RBPJ: variants seen among roughly 807,000 people sequenced by gnomAD.
RBPJ encodes recombining binding protein suppressor of hairless.
RBPJ carries 9 observed loss-of-function variants against 67.8 expected under a neutral mutation model. That is an observed-to-expected ratio of 0.13 (90% confidence interval 0.08 to 0.23). RBPJ has a LOEUF of 0.23. RBPJ is among the 10% of genes least tolerant of loss of function. The probability of loss-of-function intolerance (pLI) is 1.00; values close to 1 mark genes in which losing one functional copy is unlikely to be tolerated. For synonymous variants in RBPJ, 198 were observed against 203.3 expected (o/e 0.97, Z 0.22); for missense variants, 305 against 595.6 (o/e 0.51, Z 5.08).
intron 1 of RBPJ, among the ~76,000 whole-genome samples, chr4:26,237,154 G>A (rs975754359): frequency 6.6e-6 from 1 of 152,146 alleles, no homozygotes; most frequent in Non-Finnish European, 1.5e-5. Flanking sequence ...GGAAGCACCT[G>A]GAGAACCTTA....
chr4:26,418,632 T>G (rs1734827355), intron 4 of RBPJ, among the ~76,000 whole-genome samples: 1 of 152,212 alleles, frequency 6.6e-6, no homozygotes, highest in African/African-American at 2.4e-5. Flanking sequence ...TTCAGTATTT[T>G]CTCTTTCTGA....
chr4:26,265,731 CAAAA>C (rs1342655535), intron 1 of RBPJ, among the ~76,000 whole-genome samples: 4 of 151,888 alleles, frequency 2.6e-5, no homozygotes, highest in Non-Finnish European at 5.9e-5. Context: ...GGGAAGGAAA[CAAAA>C]GAAAGAAAGT....
At chr4:26,187,610 G>A (rs1322192947) in intron 1 of RBPJ, among the ~76,000 whole-genome samples, 1 of 152,144 alleles carries the variant, frequency 6.6e-6, no homozygotes, top group Non-Finnish European at 1.5e-5. Flanking sequence ...CTGCCAACAA[G>A]TTCATATATT....
intron 4 of RBPJ, among the ~76,000 whole-genome samples, chr4:26,420,088 A>G (rs1013548321): frequency 1.2e-4 from 18 of 152,216 alleles, no homozygotes; most frequent in African/African-American, 4.3e-4. Flanking sequence ...TATATAAAGA[A>G]AAATATTTTA....
At chr4:26,371,180 C>CATTTA (rs1316425739) in intron 1 of RBPJ, among the ~76,000 whole-genome samples, 36 of 151,818 alleles carry the variant, frequency 2.4e-4, no homozygotes, top group African/African-American at 8.7e-4. Context: ...TTTAAATCAT[C>CATTTA]ATTTAACTGT....
At chr4:26,212,374 A>G (rs984549213) in intron 1 of RBPJ, among the ~76,000 whole-genome samples, 2 of 151,436 alleles carry the variant, frequency 1.3e-5, no homozygotes, top group Admixed American at 6.6e-5. Flanking sequence ...CCTCAGAAAC[A>G]GGCCTCAGAA....
chr4:26,392,391 T>A (rs1010466831), intron 2 of RBPJ, among the ~76,000 whole-genome samples: 7 of 152,210 alleles, frequency 4.6e-5, no homozygotes, highest in African/African-American at 1.7e-4. Context: ...TTAGTTGTAG[T>A]AGTCACACAT....
the RBPJ span, among the ~76,000 whole-genome samples, chr4:26,152,935 G>T: frequency 6.6e-6 from 1 of 152,214 alleles, no homozygotes; most frequent in Non-Finnish European, 1.5e-5. Context: ...CAGGTTAAGT[G>T]TCCTTTATCC....
chr4:26,107,048 T>C, the RBPJ span, among the ~76,000 whole-genome samples: 1 of 152,036 alleles, frequency 6.6e-6, no homozygotes, highest in East Asian at 1.9e-4. Flanking sequence ...CTGTGGTAAA[T>C]GGGAGAGGCT....
chr4:26,428,887 C>A lies in RBPJ; in HGVS notation c.888+27C>A, dbSNP rs757346691. 6.4e-6 allele frequency: 10 copies of A among 1,562,414 alleles called. No individual in the cohort carries two copies. The East Asian group carries it at 1.6e-4, about 25-fold the overall frequency. On this transcript the variant is annotated intron_variant, in intron 8 of 10. Transcript: ENST00000355476. ...TATGTTTTTAAATTACTGGTGAAAT[C>A]TAAAATGTACAAACTGTGAGGTTAG...
At chr4:26,167,302 T>C (rs1240274690) in intron 1 of RBPJ, among the ~76,000 whole-genome samples, 1 of 152,242 alleles carries the variant, frequency 6.6e-6, no homozygotes, top group African/African-American at 2.4e-5. Flanking sequence ...TCAATTACCT[T>C]GGGCAGTGTG....
intron 1 of RBPJ, among the ~76,000 whole-genome samples, chr4:26,337,791 A>G (rs887603150): frequency 6.0e-5 from 9 of 150,124 alleles, no homozygotes; most frequent in African/African-American, 1.5e-4. Flanking sequence ...GGCTCAGGCA[A>G]TCCTCCTCCC....
chr4:26,272,831 T>C (rs545494243), intron 1 of RBPJ: 41 of 388,202 alleles, frequency 1.1e-4, no homozygotes, highest in African/African-American at 7.7e-4. Context: ...AATGTACTCA[T>C]TGTTTAAAAC....
chr4:26,292,647 C>T (rs186059730), intron 1 of RBPJ, among the ~76,000 whole-genome samples: 3 of 150,506 alleles, frequency 2.0e-5, no homozygotes, highest in African/African-American at 7.3e-5. Context: ...GTCTCAAACT[C>T]CTGACCTCAA....
intron 2 of RBPJ, among the ~76,000 whole-genome samples, chr4:26,398,578 T>C (rs1354503539): frequency 6.6e-6 from 1 of 152,220 alleles, no homozygotes; most frequent in Non-Finnish European, 1.5e-5. Context: ...TGAGCCAATC[T>C]CACCCCACCC....
intron 1 of RBPJ, among the ~76,000 whole-genome samples, chr4:26,334,132 C>A (rs1724555400): frequency 6.6e-6 from 1 of 151,984 alleles, no homozygotes; most frequent in South Asian, 2.1e-4. Flanking sequence ...CCTCTGCCTC[C>A]CAGGTTCAAG....
At chr4:26,144,267 C>CTTTTTT in the RBPJ span, among the ~76,000 whole-genome samples, 44 of 106,060 alleles carry the variant, frequency 4.1e-4, no homozygotes, top group African/African-American at 1.3e-3. Flanking sequence ...TAAGAAAATT[C>CTTTTTT]TTTTTTTTTT....
At chr4:26,209,962 G>T (rs371209344) in intron 1 of RBPJ, among the ~76,000 whole-genome samples, 1 of 150,530 alleles carries the variant, frequency 6.6e-6, no homozygotes, top group African/African-American at 2.4e-5. Context: ...TGCTCTTTTG[G>T]TAACATTTCT....
At chr4:26,219,345 T>C (rs1718825850) in intron 1 of RBPJ, among the ~76,000 whole-genome samples, 1 of 152,170 alleles carries the variant, frequency 6.6e-6, no homozygotes, top group Admixed American at 6.5e-5. Context: ...CAGGGCGGAA[T>C]ACTTGGAAAA....
Sources: allele counts gnomAD v4.1 joint callset (sites outside exome capture counted in the v4.1 genomes callset), GRCh38; gene constraint gnomAD v4.1.1; transcripts MANE v1.5; gene names NCBI Gene and HGNC (gene_info 2026-07-23, HGNC 2026-07-21).